Variants in TRABD2B observed in about 807,000 individuals in gnomAD.
TRABD2B encodes the protein metalloprotease TIKI2.
A neutral mutation model predicts 40.1 loss-of-function variants in TRABD2B; 14 were observed. That is an observed-to-expected ratio of 0.35 (90% confidence interval 0.23 to 0.55). The LOEUF (loss-of-function observed/expected upper bound fraction) is 0.55, where lower values mean the gene tolerates loss of function less well. TRABD2B is among the 20% of genes least tolerant of loss of function. TRABD2B has a pLI of 0.90. For synonymous variants in TRABD2B, 263 were observed against 277.0 expected (o/e 0.95, Z 0.50); for missense variants, 541 against 648.6 (o/e 0.83, Z 1.80).
chr1:47,951,128 C>A (rs1040166464), intron 2 of TRABD2B, among the ~76,000 whole-genome samples: 1 of 152,168 alleles, frequency 6.6e-6, no homozygotes, highest in Non-Finnish European at 1.5e-5. Flanking sequence ...CTTCAGGCGT[C>A]GACTCTCCTT....
chr1:47,948,507 C>A (rs1437329158), intron 2 of TRABD2B, among the ~76,000 whole-genome samples: 1 of 152,160 alleles, frequency 6.6e-6, no homozygotes, highest in African/African-American at 2.4e-5. Flanking sequence ...CGAGTACAGC[C>A]TTCAGATTTA....
intron 2 of TRABD2B, among the ~76,000 whole-genome samples, chr1:47,891,202 A>G (rs1276975872): frequency 6.6e-6 from 1 of 152,244 alleles, no homozygotes; most frequent in East Asian, 1.9e-4. Context: ...TGTGCCAAGG[A>G]TCATACTAGG....
chr1:47,957,846 T>G (rs1198031142), intron 2 of TRABD2B, among the ~76,000 whole-genome samples: 1 of 152,072 alleles, frequency 6.6e-6, no homozygotes, highest in Non-Finnish European at 1.5e-5. Context: ...TCAAATTCAG[T>G]AAATACAGAG....
At chr1:47,874,305 CCGGACTG>C (rs565307658) in intron 2 of TRABD2B, among the ~76,000 whole-genome samples, 1 of 132,948 alleles carries the variant, frequency 7.5e-6, no homozygotes, top group African/African-American at 2.9e-5. Context: ...GTCGCCCAGG[CCGGACTG>C]CGGACTGCGG....
intron 2 of TRABD2B, among the ~76,000 whole-genome samples, chr1:47,961,120 C>T (rs2148404707): frequency 6.6e-6 from 1 of 152,276 alleles, no homozygotes; most frequent in Middle Eastern, 3.4e-3. Flanking sequence ...GAAAGGATTC[C>T]CTATTTAATA....
At chr1:47,836,734 C>T (rs537204888) in intron 2 of TRABD2B, among the ~76,000 whole-genome samples, 68 of 152,278 alleles carry the variant, frequency 4.5e-4, no homozygotes, top group Non-Finnish European at 8.7e-4. Context: ...GTTATGTGGG[C>T]GGAGCCCTCA....
chr1:47,989,393 A>G (rs1015425042), intron 2 of TRABD2B, among the ~76,000 whole-genome samples: 1 of 152,120 alleles, frequency 6.6e-6, no homozygotes, highest in Non-Finnish European at 1.5e-5. Flanking sequence ...ATGATTTTTG[A>G]CCATTTGCTC....
chr1:47,809,154 A>G (rs1260769565), intron 2 of TRABD2B, among the ~76,000 whole-genome samples: 7 of 152,076 alleles, frequency 4.6e-5, no homozygotes, highest in Admixed American at 4.6e-4. Context: ...TTCCCTCAGG[A>G]GAACTCTGAG....
chr1:47,919,879 G>A (rs923828883), intron 2 of TRABD2B, among the ~76,000 whole-genome samples: 2 of 152,186 alleles, frequency 1.3e-5, no homozygotes, highest in African/African-American at 4.8e-5. Flanking sequence ...GGAAAGAGAG[G>A]GAGGATGTAA....
chr1:47,832,107 C>T (rs969364585), intron 2 of TRABD2B, among the ~76,000 whole-genome samples: 14 of 152,074 alleles, frequency 9.2e-5, no homozygotes, highest in African/African-American at 1.4e-4. Flanking sequence ...CCAAGGCGCG[C>T]GGATCACGAG....
intron 2 of TRABD2B, among the ~76,000 whole-genome samples, chr1:47,977,507 C>T (rs1167917339): frequency 6.6e-6 from 1 of 152,120 alleles, no homozygotes; most frequent in Admixed American, 6.5e-5. Flanking sequence ...TTTACCCGAG[C>T]AATCATCCTA....
chr1:47,982,167 A>G (rs1645849991), intron 2 of TRABD2B, among the ~76,000 whole-genome samples: 1 of 152,194 alleles, frequency 6.6e-6, no homozygotes, highest in Non-Finnish European at 1.5e-5. Context: ...ACCAACCAAC[A>G]ACCCATCCCT....
chr1:47,994,157 A>G lies in TRABD2B; in HGVS notation c.543T>C (p.Arg181=). The part of the protein sequence containing the change: ...NSLTERDVRF[R]GVPVLDLYLA... ...GGTAGAGGTCGAGCACGGGCACACC[A>G]CGGAAGCGCACGTCCCTCTCTGTGA... Residue 181 remains arginine (R), a synonymous_variant, in exon 2 of 7, where the codon CGT becomes CGC. Transcript: ENST00000606738. The surrounding 1 kb of genome is among the most constrained non-coding windows in gnomAD (Gnocchi z 6.7). The G allele has an allele frequency of 6.5e-7, 1 of 1,536,548 alleles. No individual in the cohort carries two copies. Among genetic ancestry groups the G allele is most frequent in the Non-Finnish European group, 8.7e-7 (1 of 1,147,002 alleles).
intron 2 of TRABD2B, among the ~76,000 whole-genome samples, chr1:47,953,803 G>A (rs1645379664): frequency 6.6e-6 from 1 of 152,300 alleles, no homozygotes; most frequent in East Asian, 1.9e-4. Context: ...CCTAGCTTGG[G>A]GTTTGGTGGC....
At chr1:47,786,846 T>G (rs1490875402) in intron 4 of TRABD2B, among the ~76,000 whole-genome samples, 1 of 152,152 alleles carries the variant, frequency 6.6e-6, no homozygotes, top group Non-Finnish European at 1.5e-5. Flanking sequence ...ACTATAGGCA[T>G]GCATCACCAT....
At chr1:47,896,092 A>G (rs982230012) in intron 2 of TRABD2B, among the ~76,000 whole-genome samples, 1 of 152,216 alleles carries the variant, frequency 6.6e-6, no homozygotes, top group African/African-American at 2.4e-5. Context: ...GTCAAGTGCG[A>G]TCTCTCCTGG....
intron 2 of TRABD2B, among the ~76,000 whole-genome samples, chr1:47,874,709 C>T (rs868089973): frequency 2.0e-5 from 3 of 151,402 alleles, no homozygotes; most frequent in Non-Finnish European, 2.9e-5. Flanking sequence ...TTGGGACGAC[C>T]GACATGCACC....
chr1:47,896,884 C>T (rs1422433782), intron 2 of TRABD2B, among the ~76,000 whole-genome samples: 1 of 152,198 alleles, frequency 6.6e-6, no homozygotes, highest in Non-Finnish European at 1.5e-5. Context: ...AGTAGTTGCA[C>T]ATAGTAGGCT....
chr1:47,851,844 C>A (rs12048239), intron 2 of TRABD2B, among the ~76,000 whole-genome samples: 1 of 152,178 alleles, frequency 6.6e-6, no homozygotes, highest in South Asian at 2.1e-4. Context: ...GGCGAGGAAC[C>A]CTAGGCTTAG....
Sources: allele counts gnomAD v4.1 joint callset (sites outside exome capture counted in the v4.1 genomes callset), GRCh38; gene constraint gnomAD v4.1.1; non-coding constraint Gnocchi (gnomAD v3.1); transcripts MANE v1.5; gene names NCBI Gene and HGNC (gene_info 2026-07-23, HGNC 2026-07-21).